The following FCHSD2 variants were observed in gnomAD, a reference collection of about 807,000 sequenced individuals.
The protein encoded by FCHSD2 is F-BAR and double SH3 domains protein 2.
FCHSD2 carries 38 observed loss-of-function variants against 108.1 expected under a neutral mutation model. That is an observed-to-expected ratio of 0.35 (90% CI 0.27 to 0.46). The LOEUF (loss-of-function observed/expected upper bound fraction) is 0.46, where lower values mean the gene tolerates loss of function less well. Ranked by LOEUF, FCHSD2 falls within the 20% of genes least tolerant of loss-of-function variation. The probability of loss-of-function intolerance (pLI) is 1.00; values close to 1 mark genes in which losing one functional copy is unlikely to be tolerated. For synonymous variants in FCHSD2, 279 were observed against 314.7 expected, an observed-to-expected ratio of 0.89 and a Z score of 1.20; for missense variants, 751 against 897.8, an observed-to-expected ratio of 0.84 and a Z score of 2.09.
At chr11:72,866,090 G>A (rs1854714293) in intron 13 of FCHSD2, among the ~76,000 whole-genome samples, 1 of 152,136 alleles carries the variant, frequency 6.6e-6, no homozygotes, top group Admixed American at 6.5e-5. Context: ...GGAAAATCAT[G>A]GGTTTGATTG....
intron 4 of FCHSD2, among the ~76,000 whole-genome samples, chr11:73,014,870 G>A (rs1857936343): frequency 1.3e-5 from 2 of 151,358 alleles, no homozygotes; most frequent in East Asian, 1.9e-4. Flanking sequence ...TTGAGCTGGA[G>A]TCTCACTCTG....
chr11:73,070,271 T>C (rs1859401943), intron 3 of FCHSD2, among the ~76,000 whole-genome samples: 1 of 152,234 alleles, frequency 6.6e-6, no homozygotes, highest in East Asian at 1.9e-4. Context: ...GCATAGGCCC[T>C]GTCTGCTCCT....
chr11:73,135,927 G>C (rs1861110580), intron 2 of FCHSD2, among the ~76,000 whole-genome samples: 1 of 152,126 alleles, frequency 6.6e-6, no homozygotes, highest in African/African-American at 2.4e-5. Flanking sequence ...ACTTTGGGAG[G>C]CTGAGTGGGA....
chr11:73,007,634 A>G (rs1057392848), intron 4 of FCHSD2, among the ~76,000 whole-genome samples: 3 of 152,204 alleles, frequency 2.0e-5, no homozygotes, highest in Middle Eastern at 3.4e-3. Context: ...AAAAGGGGGG[A>G]AAAAGAGAAA....
intron 2 of FCHSD2, among the ~76,000 whole-genome samples, chr11:73,124,531 G>C (rs1174204774): frequency 6.6e-6 from 1 of 152,166 alleles, no homozygotes; most frequent in African/African-American, 2.4e-5. Flanking sequence ...CAAGGTAGGT[G>C]GATCACCAGA....
intron 8 of FCHSD2, among the ~76,000 whole-genome samples, chr11:72,932,780 CTGTT>C (rs527976883): frequency 4.6e-5 from 7 of 152,188 alleles, no homozygotes; most frequent in Non-Finnish European, 7.3e-5. Context: ...TCAGGTCTGT[CTGTT>C]TACCATTCCA....
chr11:72,922,004 T>G, intron 8 of FCHSD2, 54 bp from the exon 9 acceptor site: 1 of 1,305,552 alleles, frequency 7.7e-7, no homozygotes, highest in Non-Finnish European at 1.1e-6. Flanking sequence ...CCTTGACATA[T>G]GATATCTTCT....
chr11:73,059,728 T>C (rs978359042), intron 3 of FCHSD2, among the ~76,000 whole-genome samples: 15 of 152,178 alleles, frequency 9.9e-5, no homozygotes, highest in Admixed American at 9.8e-4. Context: ...TTCTTTTTTT[T>C]TCTTTTTTTC....
At chr11:73,031,401 G>A (rs913769632) in intron 3 of FCHSD2, among the ~76,000 whole-genome samples, 12 of 151,942 alleles carry the variant, frequency 7.9e-5, no homozygotes, top group East Asian at 1.9e-4. Flanking sequence ...ACTTGAGGGC[G>A]GGAGGTGGAG....
At chr11:73,058,149 G>A (rs530612461) in intron 3 of FCHSD2, among the ~76,000 whole-genome samples, 2 of 152,282 alleles carry the variant, frequency 1.3e-5, no homozygotes, top group South Asian at 2.1e-4. Flanking sequence ...AAAGTGCTGG[G>A]ATTACAGGCG....
intron 13 of FCHSD2, among the ~76,000 whole-genome samples, chr11:72,862,791 T>C (rs999153930): frequency 2.0e-5 from 3 of 152,148 alleles, no homozygotes; most frequent in African/African-American, 7.2e-5. Context: ...AAGAAGAAAG[T>C]TGGAGGACTT....
chr11:73,086,286 G>A (rs1183213681), intron 2 of FCHSD2, among the ~76,000 whole-genome samples: 3 of 152,158 alleles, frequency 2.0e-5, no homozygotes, highest in Admixed American at 1.3e-4. Context: ...GTGCGTGCCT[G>A]TGGTCCCAGC....
chr11:72,884,318 T>C (rs565089668), intron 12 of FCHSD2, among the ~76,000 whole-genome samples: 57 of 152,160 alleles, frequency 3.7e-4, no homozygotes, highest in South Asian at 8.3e-4. Context: ...TGTTAGGAAA[T>C]ACATGTTTAT....
At chr11:72,940,778 T>C in intron 8 of FCHSD2, 1 of 851,766 alleles carries the variant, frequency 1.2e-6, no homozygotes, top group Non-Finnish European at 2.0e-6. Flanking sequence ...CAGCTAAAGT[T>C]TGCCTGAAGC....
In FCHSD2 at chr11:72,887,526, G is replaced by A. The variant is rs1238950831; in HGVS notation, c.1090C>T (p.Arg364Ter). The part of the protein sequence containing the change: ...CHGAAVSEQS[R>*]AELEQKIDEA... ...TCTATTTTCTGTTCTAGCTCTGCTCGGCTTTGTTCTGATACAGCAGCTCCA... is the reference window on the plus strand; with the variant it reads ...TCTATTTTCTGTTCTAGCTCTGCTCAGCTTTGTTCTGATACAGCAGCTCCA... Residue 364 changes from arginine (R) to a stop codon, truncating the protein, a stop_gained, in exon 12 of 20, where the codon CGA becomes TGA. Coordinates refer to ENST00000409418, the MANE Select transcript of FCHSD2 (RefSeq NM_014824.3). LOFTEE classifies it high-confidence loss of function. The A allele has an allele frequency of 1.9e-6, 3 of 1,602,572 alleles. No homozygotes were observed. The highest frequency in any genetic ancestry group is 1.7e-6 in the Non-Finnish European group (2 of 1,175,494).
intron 2 of FCHSD2, among the ~76,000 whole-genome samples, chr11:73,126,313 C>T (rs1247245749): frequency 1.8e-5 from 2 of 112,506 alleles, no homozygotes; most frequent in Non-Finnish European, 3.4e-5. Context: ...GCACTCCAGC[C>T]TGGGCAACAG....
chr11:72,840,840 C>T (rs1860903147), intron 19 of FCHSD2, 37 bp downstream of exon 19: 2 of 1,419,982 alleles, frequency 1.4e-6, no homozygotes, highest in Non-Finnish European at 2.0e-6. Flanking sequence ...TTTGGAAGAA[C>T]TATGCATTCG....
At chr11:73,137,127 T>A (rs1861136838) in intron 2 of FCHSD2, among the ~76,000 whole-genome samples, 5 of 152,206 alleles carry the variant, frequency 3.3e-5, no homozygotes, top group Admixed American at 3.3e-4. Flanking sequence ...GATCACCTCC[T>A]TCCTCAGGCA....
chr11:73,068,200 C>A (rs980269437), intron 3 of FCHSD2, among the ~76,000 whole-genome samples: 5 of 151,806 alleles, frequency 3.3e-5, no homozygotes, highest in Admixed American at 6.6e-5. Flanking sequence ...TATCAGTACC[C>A]CAAATAAATG....
Sources: allele counts gnomAD v4.1 joint callset (sites outside exome capture counted in the v4.1 genomes callset), GRCh38; gene constraint gnomAD v4.1.1; transcripts MANE v1.5; gene names NCBI Gene and HGNC (gene_info 2026-07-23, HGNC 2026-07-21).